XKR4: variants seen among roughly 807,000 people sequenced by gnomAD.
XKR4 encodes XK-related protein 4.
XKR4 carries 12 observed loss-of-function variants against 53.9 expected under a neutral mutation model. The observed-to-expected ratio is 0.22, with a 90% confidence interval of 0.14 to 0.36. XKR4 has a LOEUF of 0.36. Among genes scored for constraint, XKR4 ranks in the 10% least tolerant of loss-of-function variants. XKR4 has a pLI of 1.00. For missense variants in XKR4, 799 were observed against 859.5 expected (o/e 0.93, Z 0.88); for synonymous variants, 354 against 362.4 (o/e 0.98, Z 0.26).
In XKR4 at chr8:55,451,640, G is replaced by T. The variant is rs1248009602; in HGVS notation, c.1007-71641G>T. 11 of 1,552,540 alleles carry T rather than the reference G, an allele frequency of 7.1e-6. No homozygotes were observed. In the Admixed American group the frequency reaches 1.6e-4, roughly 23 times the overall value. The stretch of plus-strand genomic sequence containing the variant: ...TGGCGGTAGCAGTAGGACACGCGCT[G>T]CAGGGCGTTGTCCTGGACACTCTGG... On this transcript the variant is annotated intron_variant, in intron 2 of 2. Transcript: ENST00000327381.
intron 2 of XKR4, among the ~76,000 whole-genome samples, chr8:55,498,086 G>A (rs1354274584): frequency 6.6e-6 from 1 of 152,176 alleles, no homozygotes; most frequent in African/African-American, 2.4e-5. Flanking sequence ...ACTCTTTGTT[G>A]CTGTCTTGAT....
At chr8:55,449,572 G>A in intron 2 of XKR4, 2 of 1,438,162 alleles carry the variant, frequency 1.4e-6, no homozygotes, top group South Asian at 1.1e-5. Context: ...GCACGTCCTG[G>A]GCACAAAAGT....
chr8:55,246,232 G>A (rs916626347), intron 1 of XKR4, among the ~76,000 whole-genome samples: 3 of 152,210 alleles, frequency 2.0e-5, no homozygotes, highest in Non-Finnish European at 4.4e-5. Context: ...ACAAGGGTCT[G>A]AAAGAGGACT....
intron 1 of XKR4, among the ~76,000 whole-genome samples, chr8:55,236,122 G>C (rs572179411): frequency 1.3e-5 from 2 of 152,302 alleles, no homozygotes; most frequent in East Asian, 3.9e-4. Flanking sequence ...GGCCCTTGCA[G>C]GACACAGTGA....
chr8:55,253,063 AG>A (rs1818382679), intron 1 of XKR4, among the ~76,000 whole-genome samples: 1 of 152,208 alleles, frequency 6.6e-6, no homozygotes, highest in Non-Finnish European at 1.5e-5. Flanking sequence ...GGGAGTGGAA[AG>A]AACACAAATC....
intron 1 of XKR4, among the ~76,000 whole-genome samples, chr8:55,196,107 C>T (rs1036954943): frequency 6.6e-6 from 1 of 151,410 alleles, no homozygotes; most frequent in Non-Finnish European, 1.5e-5. Flanking sequence ...AGTCAAGAGA[C>T]AGTTTCCCTC....
At chr8:55,502,255 A>C (rs557163227) in intron 2 of XKR4, among the ~76,000 whole-genome samples, 7 of 152,344 alleles carry the variant, frequency 4.6e-5, no homozygotes, top group African/African-American at 1.7e-4. Context: ...TTGCCAGATC[A>C]TGTGGTAATT....
intron 1 of XKR4, among the ~76,000 whole-genome samples, chr8:55,204,592 C>G (rs541602164): frequency 3.4e-4 from 52 of 152,170 alleles, no homozygotes; most frequent in South Asian, 2.5e-3. Flanking sequence ...CTTTTCTACA[C>G]AAGAGGTCGT....
At chr8:55,511,722 C>T (rs1049729393) in intron 2 of XKR4, among the ~76,000 whole-genome samples, 3 of 152,216 alleles carry the variant, frequency 2.0e-5, no homozygotes, top group Non-Finnish European at 4.4e-5. Flanking sequence ...AGTACACATT[C>T]TGCACAGGTA....
rs532934934 is a variant in XKR4, at chr8:55,466,337, G to C, written c.1007-56944G>C. ...ATGATGAGTTCATGTCCTTTGTAGG[G>C]ACATGGATGAAGCTGGAAACCATCA... is the stretch of plus-strand genomic sequence containing the variant. On this transcript the variant is annotated intron_variant, in intron 2 of 2. Coordinates refer to ENST00000327381, the MANE Select transcript of XKR4 (RefSeq NM_052898.2). 9.0e-3 allele frequency among the ~76,000 whole-genome samples: 1,368 copies of C among 152,124 alleles called. 8 individuals are homozygous for C. Among genetic ancestry groups the C allele is most frequent in the South Asian group, 0.017 (83 of 4,816 alleles).
At chr8:55,474,112 T>C (rs953484872) in intron 2 of XKR4, among the ~76,000 whole-genome samples, 1 of 152,086 alleles carries the variant, frequency 6.6e-6, no homozygotes, top group African/African-American at 2.4e-5. Context: ...GGTCTCGCTA[T>C]GTTACCCAGG....
chr8:55,140,059 T>C, intron 1 of XKR4: 1 of 320,646 alleles, frequency 3.1e-6, no homozygotes, highest in Non-Finnish European at 6.1e-6. Flanking sequence ...ATTCTCATCC[T>C]ATTTTATTTA....
intron 1 of XKR4, among the ~76,000 whole-genome samples, chr8:55,300,514 C>G (rs1819176775): frequency 6.6e-6 from 1 of 152,012 alleles, no homozygotes; most frequent in Non-Finnish European, 1.5e-5. Context: ...ATCTAAGCCT[C>G]AGATGCATTG....
At chr8:55,281,792 C>G (rs950288723) in intron 1 of XKR4, among the ~76,000 whole-genome samples, 1 of 152,132 alleles carries the variant, frequency 6.6e-6, no homozygotes, top group Non-Finnish European at 1.5e-5. Flanking sequence ...ATTTTTTCCC[C>G]CATATACCAG....
intron 2 of XKR4, among the ~76,000 whole-genome samples, chr8:55,501,502 A>G (rs750076655): frequency 1.4e-4 from 22 of 152,048 alleles, no homozygotes; most frequent in Non-Finnish European, 3.2e-4. Context: ...TCAACTTTCT[A>G]TCTCTATGAA....
At chr8:55,403,666 G>A (rs1255356519) in intron 2 of XKR4, among the ~76,000 whole-genome samples, 1 of 152,196 alleles carries the variant, frequency 6.6e-6, no homozygotes, top group Non-Finnish European at 1.5e-5. Context: ...CAAGATGCCT[G>A]TCGATACAGT....
chr8:55,315,554 G>A (rs573932659), intron 1 of XKR4, among the ~76,000 whole-genome samples: 199 of 152,276 alleles, frequency 1.3e-3, no homozygotes, highest in Non-Finnish European at 2.0e-3. Context: ...AGCTAATTGG[G>A]ATGGTGAGGG....
chr8:55,457,552 G>A (rs1805589157), intron 2 of XKR4, among the ~76,000 whole-genome samples: 1 of 152,218 alleles, frequency 6.6e-6, no homozygotes. Context: ...CTGAGAAAAT[G>A]CATTACTAGA....
At chr8:55,470,306 T>C (rs994361811) in intron 2 of XKR4, among the ~76,000 whole-genome samples, 3 of 152,244 alleles carry the variant, frequency 2.0e-5, no homozygotes, top group South Asian at 2.1e-4. Context: ...TCATCTTTAA[T>C]TGTAGCTCTC....
Sources: gnomAD v4.1 joint callset for allele counts (sites outside exome capture counted in the v4.1 genomes callset) on GRCh38, gnomAD v4.1.1 for gene constraint, MANE v1.5 for transcripts, NCBI Gene and HGNC (gene_info 2026-07-23, HGNC 2026-07-21) for gene names.